The following TMTC2 variants were observed in gnomAD, a reference collection of about 807,000 sequenced individuals.
TMTC2 encodes transmembrane O-mannosyltransferase targeting cadherins 2, also known as protein O-mannosyl-transferase TMTC2.
A neutral mutation model predicts 82.4 loss-of-function variants in TMTC2; 43 were observed. The ratio of observed to expected loss-of-function variants is 0.52; its 90% CI spans 0.41 to 0.67. The LOEUF (loss-of-function observed/expected upper bound fraction) is 0.67. Ranked by LOEUF, TMTC2 falls within the 30% of genes least tolerant of loss-of-function variation. The pLI, the probability that TMTC2 is intolerant of heterozygous loss-of-function variation, is 0.00. For synonymous variants in TMTC2, 408 were observed against 381.9 expected (o/e 1.07, Z -0.80); for missense variants, 919 against 1,012.4 (o/e 0.91, Z 1.25).
intron 1 of TMTC2, among the ~76,000 whole-genome samples, chr12:82,712,557 G>T (rs1285265539): frequency 6.6e-6 from 1 of 152,108 alleles, no homozygotes; most frequent in African/African-American, 2.4e-5. Context: ...GGGCCAGGGA[G>T]TCTGATGGAA....
At chr12:83,063,441 T>C (rs1271551315) in intron 11 of TMTC2, among the ~76,000 whole-genome samples, 2 of 151,884 alleles carry the variant, frequency 1.3e-5, no homozygotes, top group Non-Finnish European at 2.9e-5. Context: ...TAATCATATG[T>C]TAAGAACAAT....
intron 8 of TMTC2, among the ~76,000 whole-genome samples, chr12:83,027,333 G>T (rs1881224272): frequency 1.3e-5 from 2 of 152,000 alleles, no homozygotes; most frequent in Non-Finnish European, 2.9e-5. Flanking sequence ...CTACAAACCA[G>T]CAACCTTTAT....
intron 7 of TMTC2, among the ~76,000 whole-genome samples, chr12:82,977,904 C>G (rs1369440967): frequency 6.6e-6 from 1 of 151,642 alleles, no homozygotes; most frequent in Non-Finnish European, 1.5e-5. Flanking sequence ...GGAAAATTGG[C>G]ATAGTTTTAT....
At chr12:82,994,384 G>A (rs774039427) in intron 8 of TMTC2, among the ~76,000 whole-genome samples, 1 of 152,008 alleles carries the variant, frequency 6.6e-6, no homozygotes, top group Non-Finnish European at 1.5e-5. Flanking sequence ...GCCCACCTCG[G>A]CCTCCCAAAA....
At chr12:83,126,167 A>T (rs1382178165) in intron 11 of TMTC2, among the ~76,000 whole-genome samples, 1 of 152,102 alleles carries the variant, frequency 6.6e-6, no homozygotes, top group African/African-American at 2.4e-5. Context: ...GCATTCCAGG[A>T]TGGATGATGC....
At chr12:83,043,019 G>A (rs1440891194) in intron 9 of TMTC2, among the ~76,000 whole-genome samples, 2 of 152,082 alleles carry the variant, frequency 1.3e-5, no homozygotes, top group Admixed American at 6.6e-5. Context: ...CCTGTCTCAC[G>A]AAAACCAGCA....
chr12:82,783,290 C>CTG (rs72110651), intron 1 of TMTC2, among the ~76,000 whole-genome samples: 32,216 of 119,102 alleles, frequency 0.27, 4,206 homozygotes, highest in African/African-American at 0.33. Flanking sequence ...GTATATGCCT[C>CTG]TGTGTGTGTG....
intron 1 of TMTC2, among the ~76,000 whole-genome samples, chr12:82,724,952 G>T (rs1874379939): frequency 6.6e-6 from 1 of 152,170 alleles, no homozygotes; most frequent in Non-Finnish European, 1.5e-5. Flanking sequence ...GCGATCAGGG[G>T]ATGTGAAGGT....
intron 7 of TMTC2, among the ~76,000 whole-genome samples, chr12:82,970,518 A>T (rs999713952): frequency 6.0e-5 from 9 of 148,956 alleles, no homozygotes; most frequent in African/African-American, 2.3e-4. Context: ...TATTTTTAGT[A>T]GAGACGGGGT....
intron 1 of TMTC2, among the ~76,000 whole-genome samples, chr12:82,746,400 G>A (rs1268550131): frequency 6.6e-6 from 1 of 152,160 alleles, no homozygotes; most frequent in South Asian, 2.1e-4. Flanking sequence ...CTACTGGGAA[G>A]TATTTCATTT....
At chr12:82,905,094 T>C (rs1874223454) in intron 3 of TMTC2, among the ~76,000 whole-genome samples, 1 of 152,122 alleles carries the variant, frequency 6.6e-6, no homozygotes, top group Admixed American at 6.5e-5. Context: ...ATTTCTAAGT[T>C]ATGTTCTTTG....
At chr12:82,937,760 A>ATATATATATGTGTG (rs1876427970) in intron 4 of TMTC2, among the ~76,000 whole-genome samples, 1 of 17,678 alleles carries the variant, frequency 5.7e-5, no homozygotes, top group African/African-American at 2.4e-4. Context: ...GTATATATAT[A>ATATATATATGTGTG]TATATATATA....
intron 8 of TMTC2, among the ~76,000 whole-genome samples, chr12:83,026,900 A>G (rs188766841): frequency 1.0e-3 from 158 of 152,286 alleles, no homozygotes; most frequent in Middle Eastern, 3.4e-3. Context: ...AACAAAATCA[A>G]TTAGCTTAAT....
chr12:82,853,630 C>CTA (rs1359330254), intron 1 of TMTC2, among the ~76,000 whole-genome samples: 1 of 152,134 alleles, frequency 6.6e-6, no homozygotes, highest in Non-Finnish European at 1.5e-5. Flanking sequence ...GAACTAATAG[C>CTA]ATGTAGAAAT....
At position 82,857,104 on chromosome 12, in the gene TMTC2, G is replaced by T; in HGVS notation, c.178G>T (p.Gly60Cys). 1 of 1,613,972 alleles carries T rather than the reference G, an allele frequency of 6.2e-7. No individual in the cohort carries two copies. The highest frequency in any genetic ancestry group is 8.5e-7 in the Non-Finnish European group (1 of 1,180,022). The change falls in exon 2 of 12, where the codon GGC (glycine) becomes TGC (cysteine). Residue 60 changes from glycine (G) to cysteine (C), a missense_variant. Gly to Cys is a radical substitution (Grantham distance 159). Coordinates refer to ENST00000321196, the MANE Select transcript of TMTC2 (RefSeq NM_152588.3). ...DFWGTLLTHS[G>C]SHKSYRPLCT... The stretch of plus-strand genomic sequence containing the variant: ...TTGGGGGACTCTTCTAACCCACAGT[G>T]GCAGCCACAAGTCCTACCGGCCACT...
chr12:82,789,451 C>T (rs940979423), intron 1 of TMTC2, among the ~76,000 whole-genome samples: 4 of 152,152 alleles, frequency 2.6e-5, no homozygotes, highest in South Asian at 2.1e-4. Context: ...TTAATATTCC[C>T]GTGATGAATT....
At chr12:82,814,205 A>G (rs1033718600) in intron 1 of TMTC2, among the ~76,000 whole-genome samples, 1 of 152,182 alleles carries the variant, frequency 6.6e-6, no homozygotes, top group Admixed American at 6.5e-5. Flanking sequence ...AGTAAGAAAC[A>G]GTGTTACTGA....
intron 8 of TMTC2, among the ~76,000 whole-genome samples, chr12:83,004,802 T>A (rs1880093766): frequency 7.8e-6 from 1 of 128,182 alleles, no homozygotes; most frequent in Admixed American, 9.1e-5. Flanking sequence ...CAAGTTCCAA[T>A]CCAGTAGATG....
intron 2 of TMTC2, among the ~76,000 whole-genome samples, chr12:82,872,121 G>A (rs1215256929): frequency 6.6e-6 from 1 of 150,714 alleles, no homozygotes; most frequent in Non-Finnish European, 1.5e-5. Context: ...GGATGTGTGA[G>A]TGTGTCTAGG....
Sources: gnomAD v4.1 joint callset for allele counts (sites outside exome capture counted in the v4.1 genomes callset) on GRCh38, gnomAD v4.1.1 for gene constraint, MANE v1.5 for transcripts, NCBI Gene and HGNC (gene_info 2026-07-23, HGNC 2026-07-21) for gene names.